The following GALNT11 variants were observed in gnomAD, a reference collection of about 807,000 sequenced individuals.
GALNT11 encodes the protein UDP-GalNAc:polypeptide N-acetylgalactosaminyltransferase 11.
Under a neutral mutation model 72.7 loss-of-function variants are expected in GALNT11, and 47 were observed. The observed-to-expected ratio is 0.65, with a 90% CI of 0.51 to 0.82. The LOEUF is 0.82. Among genes scored for constraint, GALNT11 ranks in the 40% least tolerant of loss-of-function variants. GALNT11 has a pLI of 0.00. For missense variants in GALNT11, 677 were observed against 778.4 expected (o/e 0.87, Z 1.55); for synonymous variants, 270 against 286.6 (o/e 0.94, Z 0.58).
chr7:152,064,403 T>C (rs1458425046), intron 1 of GALNT11, among the ~76,000 whole-genome samples: 1 of 152,242 alleles, frequency 6.6e-6, no homozygotes, highest in Non-Finnish European at 1.5e-5. Context: ...TCTTGACTCT[T>C]TATCCAATTT....
chr7:152,083,070 G>A (rs1487513932), intron 1 of GALNT11, among the ~76,000 whole-genome samples: 1 of 152,198 alleles, frequency 6.6e-6, no homozygotes, highest in African/African-American at 2.4e-5. Context: ...AACCAACACT[G>A]AGATATTACT....
At chr7:152,115,924 C>T (rs912798798) in intron 8 of GALNT11, among the ~76,000 whole-genome samples, 2 of 151,988 alleles carry the variant, frequency 1.3e-5, no homozygotes, top group East Asian at 1.9e-4. Context: ...GGTGTGGTGG[C>T]GCATGCCTGT....
At chr7:152,053,666 C>T (rs2083505777) in intron 1 of GALNT11, among the ~76,000 whole-genome samples, 1 of 152,084 alleles carries the variant, frequency 6.6e-6, no homozygotes, top group Non-Finnish European at 1.5e-5. Flanking sequence ...TAACGGTTTC[C>T]GAGGCCCTCA....
At chr7:152,116,886 T>C (rs1323763766) in intron 8 of GALNT11, 2 of 594,568 alleles carry the variant, frequency 3.4e-6, no homozygotes, top group East Asian at 7.4e-5. Flanking sequence ...TTAATTTCTG[T>C]GTGATAAATA....
At chr7:152,026,714 C>T (rs1039659466) in intron 1 of GALNT11, among the ~76,000 whole-genome samples, 2 of 152,254 alleles carry the variant, frequency 1.3e-5, no homozygotes, top group South Asian at 2.1e-4. Flanking sequence ...AGAGCAGAGG[C>T]TCAAAAGAAT....
At position 152,100,782 on chromosome 7, in the gene GALNT11, C is replaced by G. The variant is rs1308486587; in HGVS notation, c.296-16C>G. ...TTTCTAGATTTAATTCGCTGACTAACTTCACTCTTTTGCAGGTATGATTTT... is the reference window on the plus strand; with the variant it reads ...TTTCTAGATTTAATTCGCTGACTAAGTTCACTCTTTTGCAGGTATGATTTT... On this transcript the variant is annotated splice_polypyrimidine_tract_variant and intron_variant, in intron 2 of 11. Transcript: ENST00000430044. 1.2e-6 allele frequency: 2 copies of G among 1,611,868 alleles called. No homozygotes were observed. The highest frequency in any genetic ancestry group is 1.7e-6 in the Non-Finnish European group (2 of 1,179,168).
At chr7:152,064,767 C>T (rs540745883) in intron 1 of GALNT11, among the ~76,000 whole-genome samples, 12 of 152,230 alleles carry the variant, frequency 7.9e-5, no homozygotes, top group Non-Finnish European at 1.3e-4. Context: ...TCTTTAAGAA[C>T]GTTGAATATG....
At chr7:152,110,299 G>C (rs544180589) in intron 6 of GALNT11, among the ~76,000 whole-genome samples, 2 of 152,152 alleles carry the variant, frequency 1.3e-5, no homozygotes, top group African/African-American at 2.4e-5. Context: ...AAGAACTTTC[G>C]AGACTTAGAA....
At position 152,064,034 on chromosome 7, in the gene GALNT11, G is replaced by T. The variant is rs145974783; in HGVS notation, c.-38-30156G>T. ...ATCCTTGTGAACTTTGTGTCTCATC[G>T]ATCTGTCTAATGTTGACAGTGGGGT... On this transcript the variant is annotated intron_variant, in intron 1 of 11. Transcript: ENST00000430044. Among the ~76,000 whole-genome samples, 156 of 152,258 alleles carry T rather than the reference G, an allele frequency of 1.0e-3. 3 individuals carry two copies. In the South Asian group the frequency reaches 0.012, roughly 12 times the overall value.
chr7:152,101,722 C>T (rs2086927640), intron 3 of GALNT11, among the ~76,000 whole-genome samples: 2 of 151,962 alleles, frequency 1.3e-5, no homozygotes, highest in East Asian at 3.9e-4. Flanking sequence ...TAACCTCCAC[C>T]TCCCAAGTTC....
At chr7:152,054,681 T>C (rs2083571385) in intron 1 of GALNT11, among the ~76,000 whole-genome samples, 1 of 151,454 alleles carries the variant, frequency 6.6e-6, no homozygotes, top group South Asian at 2.1e-4. Flanking sequence ...CTGGCTAATT[T>C]TTTTTTTTTT....
intron 1 of GALNT11, among the ~76,000 whole-genome samples, chr7:152,026,720 A>G (rs1730337614): frequency 6.6e-6 from 1 of 152,230 alleles, no homozygotes; most frequent in African/African-American, 2.4e-5. Context: ...GAGGCTCAAA[A>G]GAATGTAGCC....
chr7:152,037,114 G>C (rs1446464477), intron 1 of GALNT11, among the ~76,000 whole-genome samples: 1 of 152,276 alleles, frequency 6.6e-6, no homozygotes, highest in East Asian at 1.9e-4. Flanking sequence ...GTATGCTGTG[G>C]TGGGGTATTA....
At chr7:152,084,682 C>T (rs2085533596) in intron 1 of GALNT11, among the ~76,000 whole-genome samples, 2 of 152,134 alleles carry the variant, frequency 1.3e-5, no homozygotes, top group Admixed American at 1.3e-4. Context: ...TCTAAGATTT[C>T]GCATTGCACA....
chr7:152,060,257 C>T (rs1258102570), intron 1 of GALNT11, among the ~76,000 whole-genome samples: 2 of 152,186 alleles, frequency 1.3e-5, no homozygotes, highest in African/African-American at 2.4e-5. Flanking sequence ...AATATTTTGG[C>T]TGGTTTGATC....
chr7:152,111,747 T>C (rs2088240753), intron 7 of GALNT11, among the ~76,000 whole-genome samples: 1 of 152,186 alleles, frequency 6.6e-6, no homozygotes, highest in Non-Finnish European at 1.5e-5. Flanking sequence ...TGTTGGTTTA[T>C]TTTATTGATA....
chr7:152,054,938 C>T (rs1049147391), intron 1 of GALNT11, among the ~76,000 whole-genome samples: 5 of 152,146 alleles, frequency 3.3e-5, no homozygotes, highest in Non-Finnish European at 7.4e-5. Context: ...CAAATGCACA[C>T]GCACAGATTT....
chr7:152,054,801 G>C (rs947910322), intron 1 of GALNT11, among the ~76,000 whole-genome samples: 4 of 152,056 alleles, frequency 2.6e-5, no homozygotes, highest in African/African-American at 9.7e-5. Flanking sequence ...CTACAGGCGT[G>C]AGCCACTGAG....
intron 1 of GALNT11, among the ~76,000 whole-genome samples, chr7:152,083,348 G>A (rs2085429461): frequency 6.6e-6 from 1 of 152,140 alleles, no homozygotes. Context: ...GATGGGAGGA[G>A]TAGACTCTGT....
Sources: gnomAD v4.1 joint callset for allele counts (sites outside exome capture counted in the v4.1 genomes callset) on GRCh38, gnomAD v4.1.1 for gene constraint, MANE v1.5 for transcripts, NCBI Gene and HGNC (gene_info 2026-07-23, HGNC 2026-07-21) for gene names.